Variants in TJP2 observed in about 807,000 individuals in gnomAD.
TJP2 encodes Friedreich ataxia region gene X104 (tight junction protein ZO-2).
Under a neutral mutation model 133.1 loss-of-function variants are expected in TJP2, and 91 were observed. The observed-to-expected ratio is 0.68, with a 90% confidence interval of 0.58 to 0.81. The LOEUF (loss-of-function observed/expected upper bound fraction) is 0.81, where lower values mean the gene tolerates loss of function less well. TJP2 is among the 40% of genes least tolerant of loss of function. The pLI is 0.00. For missense variants in TJP2, 1,541 were observed against 1,565.6 expected (o/e 0.98, Z 0.26); for synonymous variants, 592 against 583.4 (o/e 1.01, Z -0.21).
intron 1 of TJP2, 23 bp from the exon 2 acceptor site, chr9:69,212,525 T>C (rs1827994618): frequency 1.3e-6 from 2 of 1,592,058 alleles, no homozygotes; most frequent in East Asian, 4.5e-5. Context: ...TTTCATCAGA[T>C]TGGTTTTGTT....
intron 5 of TJP2, among the ~76,000 whole-genome samples, chr9:69,221,924 T>C (rs1319718601): frequency 7.5e-6 from 1 of 133,442 alleles, no homozygotes; most frequent in Admixed American, 8.0e-5. Context: ...CAGGCTGGAG[T>C]GCAGTGGCGT....
chr9:69,146,281 A>G (rs868621568), intron 1 of TJP2, among the ~76,000 whole-genome samples: 43 of 152,156 alleles, frequency 2.8e-4, no homozygotes, highest in Admixed American at 2.3e-3. Context: ...CTGCAGCCCC[A>G]CTGATTTACC....
chr9:69,167,650 T>C (rs1043245252), intron 2 of TJP2, among the ~76,000 whole-genome samples: 16 of 152,100 alleles, frequency 1.1e-4, no homozygotes, highest in Non-Finnish European at 2.4e-4. Flanking sequence ...AGCAGATCAA[T>C]TGAGGCTAGG....
intron 7 of TJP2, among the ~76,000 whole-genome samples, chr9:69,227,069 T>G (rs1829408566): frequency 6.6e-6 from 1 of 152,226 alleles, no homozygotes; most frequent in Admixed American, 6.5e-5. Flanking sequence ...ACTGTTGCTT[T>G]TATGCAGAGA....
intron 1 of TJP2, among the ~76,000 whole-genome samples, chr9:69,201,906 T>C (rs901654029): frequency 6.6e-6 from 1 of 152,120 alleles, no homozygotes; most frequent in African/African-American, 2.4e-5. Flanking sequence ...GTGTCTAATG[T>C]AGTCAAATTC....
intron 1 of TJP2, among the ~76,000 whole-genome samples, chr9:69,199,735 C>T (rs1171470689): frequency 6.6e-6 from 1 of 152,194 alleles, no homozygotes; most frequent in African/African-American, 2.4e-5. Flanking sequence ...TCCCTCCTTT[C>T]CTTCTTTCCA....
At position 69,236,992 on chromosome 9, in the gene TJP2, G is replaced by A. The variant is rs1469096283; in HGVS notation, c.2035G>A (p.Ala679Thr). Residue 679 changes from alanine (A) to threonine (T), a missense_variant, in exon 14 of 23, where the codon GCT (alanine) becomes ACT (threonine). Transcript: ENST00000377245. ...TGTTCAAAATGCCCAGAGAGACAACGCTGGGGACCGGGCAGATTTCTGGAG... is the reference window on the plus strand; with the variant it reads ...TGTTCAAAATGCCCAGAGAGACAACACTGGGGACCGGGCAGATTTCTGGAG... ...ASVQNAQRDN[A>T]GDRADFWRMR... The A allele has an allele frequency of 7.4e-6, 12 of 1,614,190 alleles. No homozygotes were observed. Among genetic ancestry groups the A allele is most frequent in the Admixed American group, 1.7e-5 (1 of 60,016 alleles).
chr9:69,245,985 A>G (rs757837711), intron 17 of TJP2, among the ~76,000 whole-genome samples: 15 of 152,190 alleles, frequency 9.9e-5, no homozygotes, highest in Non-Finnish European at 2.2e-4. Flanking sequence ...TATAGGAAAT[A>G]TTTGAGGGGT....
intron 1 of TJP2, among the ~76,000 whole-genome samples, chr9:69,139,770 A>T (rs967178862): frequency 1.3e-5 from 2 of 152,208 alleles, no homozygotes; most frequent in Non-Finnish European, 2.9e-5. Context: ...CAGGTCTCCC[A>T]TAGCCAGGTC....
At chr9:69,229,836 GA>G (rs1431887331) in intron 10 of TJP2, among the ~76,000 whole-genome samples, 1 of 152,166 alleles carries the variant, frequency 6.6e-6, no homozygotes, top group Non-Finnish European at 1.5e-5. Context: ...CATCTTGAAA[GA>G]GTTGCTGTAA....
chr9:69,238,853 C>T, intron 16 of TJP2, 64 bp downstream of exon 16: 10 of 1,329,206 alleles, frequency 7.5e-6, no homozygotes, highest in South Asian at 6.1e-5. Context: ...GCTGCAGTCA[C>T]TTTTAGGATA....
chr9:69,140,590 T>C (rs1471669921), intron 1 of TJP2, among the ~76,000 whole-genome samples: 3 of 152,082 alleles, frequency 2.0e-5, no homozygotes, highest in African/African-American at 7.2e-5. Flanking sequence ...ATGTGAGGGG[T>C]GTTCCTTTCC....
intron 1 of TJP2, among the ~76,000 whole-genome samples, chr9:69,135,055 A>G (rs1456562969): frequency 6.6e-6 from 1 of 151,928 alleles, no homozygotes; most frequent in African/African-American, 2.4e-5. Flanking sequence ...TGAGAGTCCC[A>G]CCCTCATGAC....
In TJP2 at chr9:69,236,169, A is replaced by C. The variant is rs749307489; in HGVS notation, c.1922A>C (p.Lys641Thr). The change falls in exon 13 of 23, where the codon AAG (lysine) becomes ACG (threonine). Residue 641 changes from lysine (K) to threonine (T), a missense_variant. Coordinates refer to ENST00000377245, the MANE Select transcript of TJP2 (RefSeq NM_004817.4). ...FRVVDTLYDG[K>T]LGNWLAVRIG... ...GTGGTAGACACACTGTATGACGGCA[A>C]GCTGGGCAACTGGCTGGCTGTGAGG... 10 of 1,614,196 alleles carry C rather than the reference A, an allele frequency of 6.2e-6. No individual in the cohort carries two copies. The highest frequency in any genetic ancestry group is 1.7e-6 in the Non-Finnish European group (2 of 1,180,038).
At chr9:69,234,908 A>G (rs1830071731) in intron 12 of TJP2, among the ~76,000 whole-genome samples, 2 of 152,124 alleles carry the variant, frequency 1.3e-5, no homozygotes, top group African/African-American at 4.8e-5. Context: ...GTCCAGTCTG[A>G]CAAGTTGTTT....
intron 12 of TJP2, among the ~76,000 whole-genome samples, chr9:69,235,160 G>A (rs909144006): frequency 6.6e-6 from 1 of 152,200 alleles, no homozygotes; most frequent in East Asian, 1.9e-4. Flanking sequence ...GAGAGCCAGT[G>A]ATTTAGTTCT....
At chr9:69,209,247 T>G (rs1440846267) in intron 1 of TJP2, among the ~76,000 whole-genome samples, 1 of 152,032 alleles carries the variant, frequency 6.6e-6, no homozygotes, top group African/African-American at 2.4e-5. Flanking sequence ...ATTCTCTTGC[T>G]TCAGCCTCCC....
chr9:69,220,658 T>A (rs1554660250), intron 4 of TJP2, among the ~76,000 whole-genome samples: 1 of 152,276 alleles, frequency 6.6e-6, no homozygotes, highest in Non-Finnish European at 1.5e-5. Flanking sequence ...TTGGAGATAC[T>A]ATTTTATTAT....
Position 69,251,199 on chromosome 9 carries a change from C to T in TJP2, c.3156C>T (p.Pro1052=), listed in dbSNP as rs754771592. 2 of 1,614,024 alleles carry T rather than the reference C, an allele frequency of 1.2e-6. No individual in the cohort carries two copies. The highest frequency in any genetic ancestry group is 1.7e-6 in the Non-Finnish European group (2 of 1,180,038). ...KPTFGRSILK[P]STPIPPQEGE... ...CCTTTGGGCGGTCTATACTGAAGCCCTCCACTCCCATCCCTCCTCAAGAGG... is the reference window on the plus strand; with the variant it reads ...CCTTTGGGCGGTCTATACTGAAGCCTTCCACTCCCATCCCTCCTCAAGAGG... The change falls in exon 21 of 23, where the codon CCC becomes CCT. Residue 1052 remains proline (P), a synonymous_variant. Coordinates refer to ENST00000377245, the MANE Select transcript of TJP2 (RefSeq NM_004817.4).
Sources: gnomAD v4.1 joint callset for allele counts (sites outside exome capture counted in the v4.1 genomes callset) on GRCh38, gnomAD v4.1.1 for gene constraint, MANE v1.5 for transcripts, NCBI Gene and HGNC (gene_info 2026-07-23, HGNC 2026-07-21) for gene names.